FBXW11: variants seen among roughly 807,000 people sequenced by gnomAD.
FBXW11 encodes the protein F-box and WD repeat domain containing 11.
In FBXW11, 19 loss-of-function variants were observed where a neutral mutation model predicts 77.6. The ratio of observed to expected loss-of-function variants is 0.24; its 90% CI spans 0.17 to 0.36. FBXW11 has a LOEUF of 0.36. Among genes scored for constraint, FBXW11 ranks in the 10% least tolerant of loss-of-function variants. The pLI, the probability that FBXW11 is intolerant of heterozygous loss-of-function variation, is 1.00. For synonymous variants in FBXW11, 235 were observed against 249.4 expected (o/e 0.94, Z 0.54); for missense variants, 334 against 704.2 (o/e 0.47, Z 5.95).
At chr5:171,950,113 A>G (rs1763226550) in intron 2 of FBXW11, among the ~76,000 whole-genome samples, 1 of 152,162 alleles carries the variant, frequency 6.6e-6, no homozygotes, top group African/African-American at 2.4e-5. Flanking sequence ...ATGATTTTAA[A>G]TGATGATAGA....
intron 1 of FBXW11, among the ~76,000 whole-genome samples, chr5:171,998,336 C>CTTTTT (rs778327855): frequency 4.4e-5 from 5 of 114,834 alleles, no homozygotes; most frequent in South Asian, 2.7e-4. Context: ...TTTTTCTTGT[C>CTTTTT]TTTTTTTTTT....
chr5:171,907,561 C>T (rs1030649950), intron 4 of FBXW11, among the ~76,000 whole-genome samples: 2 of 152,114 alleles, frequency 1.3e-5, no homozygotes, highest in African/African-American at 4.8e-5. Flanking sequence ...TTGGCCAGCT[C>T]GTCCTCAGCT....
In FBXW11 at chr5:171,998,336, C is replaced by CTTTTTTT. The variant is rs778327855; in HGVS notation, c.45+8115_45+8121dup. Reference sequence around the variant, plus strand: ...ACAGCCCATGATATTTTTTTCTTGTCTTTTTTTTTTTTTTTTTAAGTAGAG... The same window carrying CTTTTTTT: ...ACAGCCCATGATATTTTTTTCTTGTCTTTTTTTTTTTTTTTTTTTTTTTTAAGTAGAG... On this transcript the variant is annotated intron_variant, in intron 1 of 13. Transcript: ENST00000517395. Among the ~76,000 whole-genome samples, 21 of 114,820 alleles carry CTTTTTTT rather than the reference C, an allele frequency of 1.8e-4. 2 individuals are homozygous for CTTTTTTT. Among genetic ancestry groups the CTTTTTTT allele is most frequent in the African/African-American group, 8.3e-4 (20 of 24,024 alleles). 75.3% of individuals were successfully genotyped at this position (114,820 alleles called of 152,430 possible).
intron 7 of FBXW11, among the ~76,000 whole-genome samples, chr5:171,890,857 CTGTG>C (rs1187445009): frequency 6.6e-6 from 1 of 152,132 alleles, no homozygotes; most frequent in African/African-American, 2.4e-5. Flanking sequence ...TTATACATGT[CTGTG>C]TGTTTATCAA....
At chr5:171,899,157 C>A (rs1759946888) in intron 5 of FBXW11, 63 bp from the exon 6 acceptor site, 8 of 1,048,472 alleles carry the variant, frequency 7.6e-6, no homozygotes, top group African/African-American at 1.6e-5. Flanking sequence ...TTTATCTAAA[C>A]ATGGTGCTGA....
At chr5:171,978,726 C>G (rs1034566600) in intron 1 of FBXW11, among the ~76,000 whole-genome samples, 5 of 152,194 alleles carry the variant, frequency 3.3e-5, no homozygotes, top group African/African-American at 1.2e-4. Flanking sequence ...CAGCAGTGCC[C>G]CAGTCACGAC....
At chr5:171,984,343 A>C (rs1328114461) in intron 1 of FBXW11, among the ~76,000 whole-genome samples, 2 of 152,236 alleles carry the variant, frequency 1.3e-5, no homozygotes, top group East Asian at 1.9e-4. Context: ...ACCTATACAA[A>C]TGCTCTTTTA....
intron 2 of FBXW11, among the ~76,000 whole-genome samples, chr5:171,930,913 A>G (rs1193673878): frequency 2.0e-5 from 3 of 152,132 alleles, no homozygotes; most frequent in Non-Finnish European, 2.9e-5. Context: ...ATGTGAAATT[A>G]AAAACATATT....
Position 172,006,531 on chromosome 5 carries a change from C to T in FBXW11, c.-29G>A, listed in dbSNP as rs1766790019. ...GGCCCCGGCGGCCCCGCCTCGCTCTCCCCGCGCAGCAGCGAACGGCCCGGG... is the reference window on the plus strand; with the variant it reads ...GGCCCCGGCGGCCCCGCCTCGCTCTTCCCGCGCAGCAGCGAACGGCCCGGG... On this transcript the variant is annotated 5_prime_UTR_variant, in exon 1 of 14. Coordinates refer to ENST00000517395, the MANE Select transcript of FBXW11 (RefSeq NM_001378974.1). The T allele has an allele frequency of 2.0e-6, 3 of 1,495,730 alleles. No individual in the cohort carries two copies. The highest frequency in any genetic ancestry group is 2.7e-6 in the Non-Finnish European group (3 of 1,120,910). The allele number at this position is 1,495,730 out of a possible 1,614,324, so 92.7% of individuals were successfully genotyped here. A position where few individuals can be genotyped will look rare whatever the true frequency, so the allele number is the denominator to read the frequency against.
In FBXW11 at chr5:171,878,603, A is replaced by AGAGTGTGT. The variant is rs138423567; in HGVS notation, c.853-475_853-474insACACACTC. On this transcript the variant is annotated intron_variant, in intron 7 of 13. Coordinates refer to ENST00000517395, the MANE Select transcript of FBXW11 (RefSeq NM_001378974.1). Reference sequence around the variant, plus strand: ...GTGTGTGTGTGTGTAAGAGAGAGAGAGTGTGTGTGTGTGTGTGTGTGTGTG... The same window carrying AGAGTGTGT: ...GTGTGTGTGTGTGTAAGAGAGAGAGAGAGTGTGTGTGTGTGTGTGTGTGTGTGTGTGTG... Among the ~76,000 whole-genome samples, 322 of 128,570 alleles carry AGAGTGTGT rather than the reference A, an allele frequency of 2.5e-3. 3 individuals are homozygous for AGAGTGTGT. Among genetic ancestry groups the AGAGTGTGT allele is most frequent in the Middle Eastern group, 3.9e-3 (1 of 256 alleles). The allele number at this position is 128,570 out of a possible 152,430, so 84.3% of individuals were successfully genotyped here. A position where few individuals can be genotyped will look rare whatever the true frequency, so the allele number is the denominator to read the frequency against.
At chr5:171,887,459 C>T (rs935273173) in intron 7 of FBXW11, among the ~76,000 whole-genome samples, 3 of 149,612 alleles carry the variant, frequency 2.0e-5, no homozygotes, top group Non-Finnish European at 3.0e-5. Context: ...TAACAGAAAA[C>T]AGGGCCAAGA....
intron 6 of FBXW11, among the ~76,000 whole-genome samples, chr5:171,896,909 G>A (rs886633027): frequency 1.3e-5 from 2 of 152,110 alleles, no homozygotes; most frequent in African/African-American, 2.4e-5. Flanking sequence ...ATCACTGGAA[G>A]AACTCTCTAC....
At chr5:171,881,350 T>C (rs1758488823) in intron 7 of FBXW11, among the ~76,000 whole-genome samples, 1 of 152,232 alleles carries the variant, frequency 6.6e-6, no homozygotes, top group Non-Finnish European at 1.5e-5. Flanking sequence ...TATAGGCTTT[T>C]TGTAGATACT....
chr5:171,872,948 C>T lies in FBXW11; in HGVS notation c.1264G>A (p.Gly422Arg). Residue 422 changes from glycine to arginine, a missense_variant, in exon 10 of 14, where the codon GGG (glycine) becomes AGG (arginine). Physicochemically the swap from Gly to Arg is moderately radical, Grantham distance 125. Around this residue, in one of 10 missense-constraint regions of FBXW11, gnomAD observed 50 missense variants for 119.6 expected, o/e 0.42. Transcript: ENST00000517395. The stretch of plus-strand genomic sequence containing the variant: ...AGACAGGCAATGCCCCGCTTGTGCC[C>T]ATTGAGAGTACGAACAAATTCACAG... ...STCEFVRTLNGHKRGIACLQY... is the reference protein window; with the variant it reads ...STCEFVRTLNRHKRGIACLQY... The T allele has an allele frequency of 6.2e-7, 1 of 1,614,050 alleles. No homozygotes were observed. The highest frequency in any genetic ancestry group is 8.5e-7 in the Non-Finnish European group (1 of 1,179,990).
chr5:171,980,302 A>C (rs1765071719), intron 1 of FBXW11, among the ~76,000 whole-genome samples: 1 of 152,236 alleles, frequency 6.6e-6, no homozygotes, highest in African/African-American at 2.4e-5. Flanking sequence ...TCTAGAAATA[A>C]ATAAAATTAC....
intron 2 of FBXW11, among the ~76,000 whole-genome samples, chr5:171,934,921 G>A (rs1762395215): frequency 6.6e-6 from 1 of 152,048 alleles, no homozygotes; most frequent in Admixed American, 6.6e-5. Flanking sequence ...AGGGATATAG[G>A]GAATGACAGC....
At chr5:171,976,551 T>C (rs1282948539) in intron 1 of FBXW11, among the ~76,000 whole-genome samples, 1 of 152,030 alleles carries the variant, frequency 6.6e-6, no homozygotes, top group South Asian at 2.1e-4. Flanking sequence ...TGGTAAGTGT[T>C]TAGGTCATGA....
At chr5:171,948,096 A>C (rs1191889179) in intron 2 of FBXW11, among the ~76,000 whole-genome samples, 10 of 151,558 alleles carry the variant, frequency 6.6e-5, no homozygotes, top group African/African-American at 2.4e-4. Flanking sequence ...TTAGCTGGGC[A>C]TGGTGGCACG....
intron 13 of FBXW11, among the ~76,000 whole-genome samples, chr5:171,865,167 C>T (rs1757307980): frequency 6.6e-6 from 1 of 151,944 alleles, no homozygotes; most frequent in African/African-American, 2.4e-5. Flanking sequence ...ATTAATGCCC[C>T]AGGACCAGAA....
Sources: gnomAD v4.1 joint callset for allele counts (sites outside exome capture counted in the v4.1 genomes callset) on GRCh38, gnomAD v4.1.1 for gene constraint, gnomAD v4.1.1 regional missense constraint, MANE v1.5 for transcripts, NCBI Gene and HGNC (gene_info 2026-07-23, HGNC 2026-07-21) for gene names.